NCAPD2: variants seen among roughly 807,000 people sequenced by gnomAD.
NCAPD2 encodes condensin complex subunit 1.
NCAPD2 carries 100 observed loss-of-function variants against 164.5 expected under a neutral mutation model. The observed-to-expected ratio is 0.61, with a 90% confidence interval of 0.52 to 0.72. The LOEUF (loss-of-function observed/expected upper bound fraction) is 0.72, where lower values mean the gene tolerates loss of function less well. NCAPD2 is among the 30% of genes least tolerant of loss of function. NCAPD2 has a pLI of 0.00. For synonymous variants in NCAPD2, 585 were observed against 642.6 expected (o/e 0.91, Z 1.36); for missense variants, 1,560 against 1,749.2 (o/e 0.89, Z 1.93).
chr12:6,498,448 G>C (rs999967997), intron 2 of NCAPD2, among the ~76,000 whole-genome samples: 4 of 152,228 alleles, frequency 2.6e-5, no homozygotes, highest in Non-Finnish European at 5.9e-5. Context: ...TAAATATGTA[G>C]TACAGTAGGA....
In NCAPD2 at chr12:6,505,404, GGAAGATGATT is replaced by G. The variant is rs1946090296; in HGVS notation, c.128-4312_128-4303del. 2.2e-4 allele frequency among the ~76,000 whole-genome samples: 34 copies of G among 152,288 alleles called. No individual in the cohort carries two copies. In the South Asian group the frequency reaches 4.1e-3, roughly 19 times the overall value. ...TTACTGGAGAGACGAACTGCTCACTGGAAGATGATTAACATCTCAGAGTTTTTAAGCAGAT... is the reference window on the plus strand; with the variant it reads ...TTACTGGAGAGACGAACTGCTCACTGAACATCTCAGAGTTTTTAAGCAGAT... On this transcript the variant is annotated intron_variant, in intron 2 of 31. Coordinates refer to ENST00000315579, the MANE Select transcript of NCAPD2 (RefSeq NM_014865.4).
intron 2 of NCAPD2, among the ~76,000 whole-genome samples, chr12:6,507,304 G>T (rs981091193): frequency 3.3e-5 from 5 of 152,242 alleles, no homozygotes; most frequent in African/African-American, 1.2e-4. Flanking sequence ...GAACAAAAAT[G>T]AAGGGAGGCT....
chr12:6,511,354 C>CA, intron 6 of NCAPD2, 102 bp downstream of exon 6: 1 of 1,344,814 alleles, frequency 7.4e-7, no homozygotes, highest in East Asian at 2.4e-5. Context: ...TGTGGGGGGA[C>CA]AGAGCTTCAC....
At chr12:6,510,477 C>T (rs774552165) in intron 4 of NCAPD2, 152 bp from the exon 5 acceptor site, 26 of 917,530 alleles carry the variant, frequency 2.8e-5, no homozygotes, top group Middle Eastern at 2.1e-4. Flanking sequence ...GTATCAGGGC[C>T]AAGGGTCCTA....
At chr12:6,529,387 G>C in intron 27 of NCAPD2, 126 bp from the exon 28 acceptor site, 1 of 856,572 alleles carries the variant, frequency 1.2e-6, no homozygotes, top group Non-Finnish European at 1.9e-6. Context: ...GGAGTGGTGA[G>C]GCAGACAGGG....
chr12:6,514,236 T>C, intron 6 of NCAPD2, 29 bp from the exon 7 acceptor site: 1 of 1,613,944 alleles, frequency 6.2e-7, no homozygotes, highest in Non-Finnish European at 8.5e-7. Context: ...GACAGCTGCT[T>C]TCATCATCTC....
rs1565547511 is a variant in NCAPD2, at chr12:6,528,390, G to A, written c.3299+62G>A. On this transcript the variant is annotated intron_variant, in intron 25 of 31. Coordinates refer to ENST00000315579, the MANE Select transcript of NCAPD2 (RefSeq NM_014865.4). The surrounding 1 kb of genome is among the most constrained non-coding windows in gnomAD (Gnocchi z 5.1). Reference sequence around the variant, plus strand: ...GAGCCCCGGAGTCTGTTGAGAGTCAGTGTGAGAATCACCAGGGCTCTTCCC... The same window carrying A: ...GAGCCCCGGAGTCTGTTGAGAGTCAATGTGAGAATCACCAGGGCTCTTCCC... The A allele has an allele frequency of 6.3e-6, 10 of 1,596,658 alleles. No homozygotes were observed. The highest frequency in any genetic ancestry group is 4.4e-5 in the South Asian group (4 of 90,624).
chr12:6,498,130 A>G (rs988816899), intron 2 of NCAPD2, among the ~76,000 whole-genome samples: 3 of 150,812 alleles, frequency 2.0e-5, no homozygotes, highest in Non-Finnish European at 4.4e-5. Context: ...GCTGGTCTCA[A>G]ACTCCCGAGC....
At chr12:6,502,447 A>G (rs116979198) in intron 2 of NCAPD2, among the ~76,000 whole-genome samples, 5,810 of 152,266 alleles carry the variant, frequency 0.038, 162 homozygotes, top group Non-Finnish European at 0.062. Context: ...TGCCCACTTC[A>G]GGTTAGTAGT....
At chr12:6,520,675 A>G (rs1946255837) in intron 13 of NCAPD2, among the ~76,000 whole-genome samples, 1 of 152,216 alleles carries the variant, frequency 6.6e-6, no homozygotes, top group African/African-American at 2.4e-5. Flanking sequence ...GTTTTTAAAC[A>G]GGTGTTTGGA....
intron 16 of NCAPD2, 69 bp downstream of exon 16, chr12:6,523,071 C>A: frequency 6.4e-7 from 1 of 1,568,996 alleles, no homozygotes; most frequent in Non-Finnish European, 8.7e-7. Flanking sequence ...CCCTTGTCTC[C>A]TAAAGGAAGA....
At position 6,531,601 on chromosome 12, in the gene NCAPD2, T is replaced by C. The variant is rs1592180409; in HGVS notation, c.*189T>C. 1.7e-6 allele frequency: 2 copies of C among 1,190,208 alleles called. No individual in the cohort carries two copies. Among genetic ancestry groups the C allele is most frequent in the South Asian group, 2.7e-5 (2 of 75,064 alleles). 73.7% of individuals were successfully genotyped at this position (1,190,208 alleles called of 1,614,324 possible). On this transcript the variant is annotated 3_prime_UTR_variant, in exon 32 of 32. Coordinates refer to ENST00000315579, the MANE Select transcript of NCAPD2 (RefSeq NM_014865.4). This position sits in a 1 kb window ranked among gnomAD's most constrained non-coding sequence, Gnocchi z 4.1. ...CGGGTGGATAACCTGAGGTAGGGAG[T>C]TCGAGACCAGCCTGACCAACATGGA...
rs1945968079 is a variant in NCAPD2, at chr12:6,495,286, G to A, written c.127+61G>A. 10 of 1,580,406 alleles carry A rather than the reference G, an allele frequency of 6.3e-6. No homozygotes were observed. In the East Asian group the frequency reaches 2.3e-4, roughly 36 times the overall value. The stretch of plus-strand genomic sequence containing the variant: ...TCAAAGGACCATCTCACATGGAATT[G>A]CTACATTGTCATTTCTGTTCCACTA... On this transcript the variant is annotated intron_variant, in intron 2 of 31. Transcript: ENST00000315579.
intron 2 of NCAPD2, among the ~76,000 whole-genome samples, chr12:6,500,168 G>A (rs902445752): frequency 6.6e-6 from 1 of 152,104 alleles, no homozygotes; most frequent in African/African-American, 2.4e-5. Flanking sequence ...GCTTGTCCCT[G>A]TAATCCCAAC....
chr12:6,499,132 G>A (rs1273548757), intron 2 of NCAPD2, among the ~76,000 whole-genome samples: 1 of 152,120 alleles, frequency 6.6e-6, no homozygotes, highest in East Asian at 1.9e-4. Flanking sequence ...CGGCAGGGCA[G>A]CACCAGATTT....
At chr12:6,529,155 A>AC in intron 27 of NCAPD2, 116 bp downstream of exon 27, 1 of 877,214 alleles carries the variant, frequency 1.1e-6, no homozygotes, top group Non-Finnish European at 1.8e-6. Flanking sequence ...CTTCGGCAAT[A>AC]ACTTAGCCTC....
chr12:6,495,589 T>C (rs1175188722), intron 2 of NCAPD2, among the ~76,000 whole-genome samples: 1 of 152,214 alleles, frequency 6.6e-6, no homozygotes, highest in Non-Finnish European at 1.5e-5. Flanking sequence ...CTGTTTTTGG[T>C]AATACCTTTT....
rs1592176727 is a variant in NCAPD2, at chr12:6,525,627, C to T, written c.2259C>T (p.Thr753=). ...VQKDELKPAV[T]QLLWERATEK... ...AGGATGAGTTGAAACCAGCAGTGAC[C>T]CAGCTGCTGTGGGAGCGGGCCACCG... The change falls in exon 18 of 32, where the codon ACC becomes ACT. Residue 753 remains threonine (T), a synonymous_variant. Coordinates refer to ENST00000315579, the MANE Select transcript of NCAPD2 (RefSeq NM_014865.4). 1 of 1,612,924 alleles carries T rather than the reference C, an allele frequency of 6.2e-7. No homozygotes were observed. Among genetic ancestry groups the T allele is most frequent in the Non-Finnish European group, 8.5e-7 (1 of 1,179,926 alleles).
intron 13 of NCAPD2, among the ~76,000 whole-genome samples, chr12:6,518,504 G>GTTTTTTGTTT (rs1946226490): frequency 1.6e-4 from 7 of 44,782 alleles, no homozygotes; most frequent in African/African-American, 6.1e-4. Flanking sequence ...CCGTCAACAA[G>GTTTTTTGTTT]TTTTTTTTTT....
Sources: gnomAD v4.1 joint callset for allele counts (sites outside exome capture counted in the v4.1 genomes callset) on GRCh38, gnomAD v4.1.1 for gene constraint, Gnocchi (gnomAD v3.1) non-coding constraint, MANE v1.5 for transcripts, NCBI Gene and HGNC (gene_info 2026-07-23, HGNC 2026-07-21) for gene names.